Variants in RNF19A observed in about 807,000 individuals in gnomAD.
RNF19A encodes ring finger protein 19A, RBR E3 ubiquitin protein ligase.
RNF19A carries 32 observed loss-of-function variants against 75.7 expected under a neutral mutation model. The observed-to-expected ratio is 0.42, with a 90% confidence interval of 0.32 to 0.57. The LOEUF is 0.57. Among genes scored for constraint, RNF19A ranks in the 20% least tolerant of loss-of-function variants. The pLI, the probability that RNF19A is intolerant of heterozygous loss-of-function variation, is 0.10. For missense variants in RNF19A, 782 were observed against 1,036.3 expected, an observed-to-expected ratio of 0.75 and a Z score of 3.37; for synonymous variants, 335 against 345.2, an observed-to-expected ratio of 0.97 and a Z score of 0.33.
At chr8:100,334,344 A>G (rs758208384) in intron 1 of RNF19A, among the ~76,000 whole-genome samples, 15 of 152,180 alleles carry the variant, frequency 9.9e-5, no homozygotes, top group South Asian at 4.1e-4. Flanking sequence ...GTTTCCACAC[A>G]GTGCTGAGCA....
intron 2 of RNF19A, among the ~76,000 whole-genome samples, chr8:100,276,272 T>C (rs983152397): frequency 1.3e-5 from 2 of 152,234 alleles, no homozygotes; most frequent in African/African-American, 4.8e-5. Flanking sequence ...AAAGTATTGA[T>C]GCAAGTAACA....
At chr8:100,262,178 T>C (rs759482286) in intron 7 of RNF19A, among the ~76,000 whole-genome samples, 30 of 152,344 alleles carry the variant, frequency 2.0e-4, no homozygotes, top group East Asian at 3.9e-4. Context: ...AATTTTACAG[T>C]ACCTCTCACA....
At position 100,260,107 on chromosome 8, in the gene RNF19A, G is replaced by A; in HGVS notation, c.1683-110C>T. ...CCCTAGTAACCAGAAGCTATTTTAGGAACCATTATTTTTTATTTCCTTTTA... is the reference window on the plus strand; with the variant it reads ...CCCTAGTAACCAGAAGCTATTTTAGAAACCATTATTTTTTATTTCCTTTTA... On this transcript the variant is annotated intron_variant, in intron 8 of 9. Coordinates refer to ENST00000341084, the MANE Select transcript of RNF19A (RefSeq NM_183419.4). The surrounding 1 kb of genome is among the most constrained non-coding windows in gnomAD (Gnocchi z 4.1). The A allele has an allele frequency of 1.1e-6, 1 of 940,014 alleles. No homozygotes were observed. Among genetic ancestry groups the A allele is most frequent in the East Asian group, 2.5e-5 (1 of 39,382 alleles). 58.2% of individuals were successfully genotyped at this position (940,014 alleles called of 1,614,324 possible).
At chr8:100,314,799 T>C (rs187232887), upstream of RNF19A, among the ~76,000 whole-genome samples, 113 of 152,294 alleles carry the variant, frequency 7.4e-4, no homozygotes, top group East Asian at 0.016. This position sits in a 1 kb window ranked among gnomAD's most constrained non-coding sequence, Gnocchi z 4.1. Context: ...TTTTTCTGTA[T>C]AAAGTACTTC....
Position 100,269,650 on chromosome 8 carries a change from T to C in RNF19A, c.1028+219A>G, listed in dbSNP as rs1049175497. Reference sequence around the variant, plus strand: ...GGGTATTACATACTTACTAGCATTCTAGTTTAACAAAAACAAAAAAAGGAA... The same window carrying C: ...GGGTATTACATACTTACTAGCATTCCAGTTTAACAAAAACAAAAAAAGGAA... On this transcript the variant is annotated intron_variant, in intron 4 of 9. Coordinates refer to ENST00000341084, the MANE Select transcript of RNF19A (RefSeq NM_183419.4). This position sits in a 1 kb window ranked among gnomAD's most constrained non-coding sequence, Gnocchi z 5.7. 6.6e-6 allele frequency among the ~76,000 whole-genome samples: 1 copy of C among 152,160 alleles called. No individual in the cohort carries two copies. The highest frequency in any genetic ancestry group is 1.5e-5 in the Non-Finnish European group (1 of 68,004).
chr8:100,329,929 T>C lies in RNF19A; in HGVS notation c.-243+6179A>G, dbSNP rs954063188. 2.0e-5 allele frequency among the ~76,000 whole-genome samples: 3 copies of C among 152,206 alleles called. No individual in the cohort carries two copies. In the East Asian group the frequency reaches 5.8e-4, roughly 29 times the overall value. On this transcript the variant is annotated intron_variant, in intron 1 of 3. Transcript: ENST00000519527. The surrounding 1 kb of genome is among the most constrained non-coding windows in gnomAD (Gnocchi z 4.3). ...GCACAAATGAAAAATTTAAATACTT[T>C]CCAAAATCATGAACTATCTATTACT...
At chr8:100,319,838 T>C (rs1333927993) in intron 1 of RNF19A, among the ~76,000 whole-genome samples, 10 of 146,462 alleles carry the variant, frequency 6.8e-5, no homozygotes, top group African/African-American at 1.3e-4. Flanking sequence ...GCTTTTTTTT[T>C]CTTTTTTTTT....
At chr8:100,267,951 T>C (rs2132523306) in intron 5 of RNF19A, among the ~76,000 whole-genome samples, 1 of 152,214 alleles carries the variant, frequency 6.6e-6, no homozygotes, top group Non-Finnish European at 1.5e-5. Flanking sequence ...GTGCTAAGAT[T>C]ACAGGGGTGA....
chr8:100,314,125 G>C (rs1190071659), upstream of RNF19A, among the ~76,000 whole-genome samples: 1 of 151,672 alleles, frequency 6.6e-6, no homozygotes, highest in Non-Finnish European at 1.5e-5. The surrounding 1 kb of genome is among the most constrained non-coding windows in gnomAD (Gnocchi z 4.1). Flanking sequence ...TAAGTAATCT[G>C]CCCAGCTCAG....
chr8:100,286,697 C>G (rs557917446), intron 2 of RNF19A, among the ~76,000 whole-genome samples: 1 of 152,230 alleles, frequency 6.6e-6, no homozygotes. Flanking sequence ...AGATTATACC[C>G]AGATAATCTT....
In RNF19A at chr8:100,333,798, A is replaced by T. The variant is rs1043538704; in HGVS notation, c.-243+2310T>A. ...ATGCCACTGCACTCCAGCCTGGGCA[A>T]TAGAGTGACACCCTGTCTGTAAACA... On this transcript the variant is annotated intron_variant, in intron 1 of 3. Transcript: ENST00000519527. This position sits in a 1 kb window ranked among gnomAD's most constrained non-coding sequence, Gnocchi z 4.7. Among the ~76,000 whole-genome samples, 1 of 152,214 alleles carries T rather than the reference A, an allele frequency of 6.6e-6. No individual in the cohort carries two copies. Among genetic ancestry groups the T allele is most frequent in the Non-Finnish European group, 1.5e-5 (1 of 68,024 alleles).
chr8:100,293,557 TGATAA>T (rs1821409379), intron 1 of RNF19A, among the ~76,000 whole-genome samples: 1 of 152,242 alleles, frequency 6.6e-6, no homozygotes, highest in Non-Finnish European at 1.5e-5. Flanking sequence ...TTCAGCAGTT[TGATAA>T]AGATGTGCCT....
chr8:100,292,435 G>GGTGTGTGTGTGTGT (rs1554671903), intron 1 of RNF19A, among the ~76,000 whole-genome samples: 67 of 145,430 alleles, frequency 4.6e-4, no homozygotes, highest in African/African-American at 1.6e-3. Flanking sequence ...CTATCATATG[G>GGTGTGTGTGTGTGT]GTGTGTGTGT....
upstream of RNF19A, chr8:100,310,126 T>TC (rs1205645654): frequency 2.0e-6 from 2 of 985,224 alleles, no homozygotes; most frequent in African/African-American, 3.5e-5. Context: ...GCCCCCGCTT[T>TC]CCCCTCCTCC....
chr8:100,271,631 T>C (rs1424657537), intron 3 of RNF19A, among the ~76,000 whole-genome samples: 1 of 152,156 alleles, frequency 6.6e-6, no homozygotes, highest in Non-Finnish European at 1.5e-5. Flanking sequence ...CCTTTTAATA[T>C]GCTAAAATCA....
At chr8:100,295,815 T>C (rs1821528690) in intron 1 of RNF19A, among the ~76,000 whole-genome samples, 1 of 152,228 alleles carries the variant, frequency 6.6e-6, no homozygotes, top group Non-Finnish European at 1.5e-5. Flanking sequence ...ATCATATCAT[T>C]AAGAGAAGTT....
intron 3 of RNF19A, among the ~76,000 whole-genome samples, chr8:100,274,151 G>A (rs888622017): frequency 3.9e-5 from 6 of 152,188 alleles, no homozygotes; most frequent in African/African-American, 1.2e-4. Flanking sequence ...AGTAGAGAAT[G>A]TGGGATTTGA....
chr8:100,328,790 G>T (rs143557819), intron 1 of RNF19A, among the ~76,000 whole-genome samples: 38 of 152,308 alleles, frequency 2.5e-4, no homozygotes, highest in Middle Eastern at 3.4e-3. Flanking sequence ...TTTTAAGACA[G>T]CAATGGTTGT....
chr8:100,302,995 C>T (rs1461212083), intron 1 of RNF19A, among the ~76,000 whole-genome samples: 3 of 152,144 alleles, frequency 2.0e-5, no homozygotes, highest in African/African-American at 7.2e-5. Flanking sequence ...AGAATTCTAA[C>T]GAAAGAGCTG....
Sources: gnomAD v4.1 joint callset for allele counts (sites outside exome capture counted in the v4.1 genomes callset) on GRCh38, gnomAD v4.1.1 for gene constraint, Gnocchi (gnomAD v3.1) non-coding constraint, MANE v1.5 for transcripts, NCBI Gene and HGNC (gene_info 2026-07-23, HGNC 2026-07-21) for gene names.